Variants in CSMD2 observed in about 807,000 individuals in gnomAD.
CSMD2 encodes the protein CUB and Sushi multiple domains 2, also known as CUB and sushi domain-containing protein 2.
Under a neutral mutation model 398.5 loss-of-function variants are expected in CSMD2, and 130 were observed. The ratio of observed to expected loss-of-function variants is 0.33; its 90% CI spans 0.28 to 0.38. CSMD2 has a LOEUF of 0.38. Among genes scored for constraint, CSMD2 ranks in the 10% least tolerant of loss-of-function variants. CSMD2 has a pLI of 1.00. For missense variants in CSMD2, 3,829 were observed against 4,764.9 expected (o/e 0.80, Z 5.78); for synonymous variants, 1,828 against 1,908.5 (o/e 0.96, Z 1.10).
At chr1:34,057,669 C>T (rs905122949) in intron 2 of CSMD2, among the ~76,000 whole-genome samples, 8 of 152,178 alleles carry the variant, frequency 5.3e-5, no homozygotes, top group East Asian at 3.9e-4. Flanking sequence ...CAAGCCCCCT[C>T]GCTTGTTTGT....
intron 37 of CSMD2, among the ~76,000 whole-genome samples, chr1:33,621,936 G>T (rs1641800066): frequency 6.6e-6 from 1 of 152,220 alleles, no homozygotes; most frequent in African/African-American, 2.4e-5. Context: ...CATTCCTGGT[G>T]TGGATACTGA....
intron 19 of CSMD2, among the ~76,000 whole-genome samples, chr1:33,722,614 T>C (rs977522479): frequency 9.2e-5 from 14 of 152,360 alleles, no homozygotes; most frequent in East Asian, 7.7e-4. Context: ...GCTAGGCATA[T>C]GTCTCCTAAA....
intron 5 of CSMD2, among the ~76,000 whole-genome samples, chr1:33,868,463 C>T (rs768279671): frequency 8.5e-5 from 13 of 152,130 alleles, no homozygotes; most frequent in Non-Finnish European, 4.4e-5. Context: ...ATAGGCCAGG[C>T]GCGGTGGCTC....
At chr1:33,808,575 T>C (rs1656494779) in intron 10 of CSMD2, among the ~76,000 whole-genome samples, 1 of 151,988 alleles carries the variant, frequency 6.6e-6, no homozygotes, top group Non-Finnish European at 1.5e-5. Context: ...ACTGTAAAAA[T>C]CTGTAGGAAT....
Position 33,681,036 on chromosome 1 carries a change from T to C in CSMD2, c.4052+11894A>G, listed in dbSNP as rs553016021. Among the ~76,000 whole-genome samples the C allele has an allele frequency of 1.0e-4, 15 of 144,938 alleles. No homozygotes were observed. The South Asian group carries it at 3.1e-3, about 30-fold the overall frequency. The stretch of plus-strand genomic sequence containing the variant: ...GCCTCCTGTGTTCAAGTGATTCTCA[T>C]GCCTCAGCCTCCTGAATAGCTGGGA... On this transcript the variant is annotated intron_variant, in intron 25 of 70. Coordinates refer to ENST00000373381, the MANE Select transcript of CSMD2 (RefSeq NM_001281956.2).
chr1:33,669,504 C>T (rs777542545), intron 25 of CSMD2, among the ~76,000 whole-genome samples: 2 of 152,190 alleles, frequency 1.3e-5, no homozygotes, highest in African/African-American at 4.8e-5. Context: ...CAAGTCCCCC[C>T]TGGGCTTCCC....
At chr1:33,832,785 TCAAA>T (rs1441219558) in intron 6 of CSMD2, among the ~76,000 whole-genome samples, 2 of 149,374 alleles carry the variant, frequency 1.3e-5, no homozygotes, top group African/African-American at 5.0e-5. Flanking sequence ...GAGAGAAGAA[TCAAA>T]CAGACACAAT....
At chr1:33,953,793 C>T (rs1645078868) in intron 3 of CSMD2, among the ~76,000 whole-genome samples, 1 of 152,182 alleles carries the variant, frequency 6.6e-6, no homozygotes, top group South Asian at 2.1e-4. Flanking sequence ...ACCCTGCTCC[C>T]TGAGAGATAC....
chr1:33,810,696 A>C (rs755746560), intron 10 of CSMD2, 47 bp downstream of exon 10: 1 of 1,601,370 alleles, frequency 6.2e-7, no homozygotes, highest in African/African-American at 1.3e-5. Context: ...ACTGTCCCCA[A>C]CCTAGCCCTG....
chr1:33,857,285 G>A (rs1639167599), intron 5 of CSMD2, among the ~76,000 whole-genome samples: 1 of 152,150 alleles, frequency 6.6e-6, no homozygotes, highest in African/African-American at 2.4e-5. Context: ...AAATGGGGGA[G>A]AGGAGAATTC....
chr1:33,651,446 T>A (rs149287114), intron 28 of CSMD2, among the ~76,000 whole-genome samples: 7 of 152,320 alleles, frequency 4.6e-5, no homozygotes, highest in African/African-American at 1.7e-4. Context: ...TGGATAGCGA[T>A]GCTGACGCTC....
Position 33,580,844 on chromosome 1 carries a change from G to A in CSMD2, c.7296C>T (p.Pro2432=), listed in dbSNP as rs1435011457. The change falls in exon 48 of 71, where the codon CCC becomes CCT. Residue 2432 remains proline (P), a synonymous_variant. Coordinates refer to ENST00000373381, the MANE Select transcript of CSMD2 (RefSeq NM_001281956.2). ...AGTTGCTTGAGCTGGTGACAATCAG[G>A]GGAGCTGAGTAATTCCCACTGAGGG... is the stretch of plus-strand genomic sequence containing the variant. ...LKALSGNYSA[P]LIVTSSSNSV... The A allele has an allele frequency of 1.2e-6, 2 of 1,614,130 alleles. No individual in the cohort carries two copies. The highest frequency in any genetic ancestry group is 2.2e-5 in the South Asian group (2 of 91,082).
At chr1:33,953,666 C>T (rs1645075685) in intron 3 of CSMD2, among the ~76,000 whole-genome samples, 1 of 152,184 alleles carries the variant, frequency 6.6e-6, no homozygotes, top group Non-Finnish European at 1.5e-5. Context: ...AAAGGAGCCA[C>T]AGGCCCCCGA....
At chr1:34,002,257 T>G (rs1246716420) in intron 3 of CSMD2, among the ~76,000 whole-genome samples, 1 of 152,218 alleles carries the variant, frequency 6.6e-6, no homozygotes, top group Non-Finnish European at 1.5e-5. Flanking sequence ...ATAAAATATC[T>G]CATATTTATA....
chr1:33,697,566 T>C (rs1329241470), intron 24 of CSMD2, among the ~76,000 whole-genome samples: 1 of 152,196 alleles, frequency 6.6e-6, no homozygotes, highest in Non-Finnish European at 1.5e-5. Context: ...CTTCCCACCA[T>C]GCTGGTTCAC....
At chr1:33,591,994 C>T in intron 44 of CSMD2, 1 of 217,270 alleles carries the variant, frequency 4.6e-6, no homozygotes, top group Non-Finnish European at 9.3e-6. Flanking sequence ...TCTTCATGCA[C>T]ATATCTTTGC....
chr1:33,553,637 T>A (rs1430505575), intron 55 of CSMD2, among the ~76,000 whole-genome samples: 2 of 152,214 alleles, frequency 1.3e-5, no homozygotes, highest in Non-Finnish European at 2.9e-5. Flanking sequence ...TGTCGGAAGC[T>A]GAGACAGCCC....
At chr1:33,799,381 C>T (rs1655328319) in intron 10 of CSMD2, among the ~76,000 whole-genome samples, 1 of 152,188 alleles carries the variant, frequency 6.6e-6, no homozygotes, top group Non-Finnish European at 1.5e-5. Flanking sequence ...TACTCCAGGG[C>T]CAACCCACAA....
intron 45 of CSMD2, 124 bp downstream of exon 45, chr1:33,586,961 CCTA>C: frequency 1.5e-6 from 1 of 681,194 alleles, no homozygotes; most frequent in East Asian, 2.7e-5. Flanking sequence ...TGGCACAGGG[CCTA>C]CTGTTTCTCT....
Sources: allele counts gnomAD v4.1 joint callset (sites outside exome capture counted in the v4.1 genomes callset), GRCh38; gene constraint gnomAD v4.1.1; transcripts MANE v1.5; gene names NCBI Gene and HGNC (gene_info 2026-07-23, HGNC 2026-07-21).